The following SCN9A variants were observed in gnomAD, a reference collection of about 807,000 sequenced individuals.
SCN9A encodes sodium voltage-gated channel alpha subunit 9.
A neutral mutation model predicts 187.0 loss-of-function variants in SCN9A; 131 were observed. The ratio of observed to expected loss-of-function variants is 0.70; its 90% CI spans 0.61 to 0.81. The LOEUF is 0.81. Ranked by LOEUF, SCN9A falls within the 30% of genes least tolerant of loss-of-function variation. SCN9A has a pLI of 0.00. For synonymous variants in SCN9A, 809 were observed against 808.6 expected (o/e 1.00, Z -0.01); for missense variants, 2,252 against 2,396.6 (o/e 0.94, Z 1.26).
At position 166,199,229 on chromosome 2, in the gene SCN9A, C is replaced by T; in HGVS notation, c.5410G>A (p.Asp1804Asn). 1 of 1,614,154 alleles carries T rather than the reference C, an allele frequency of 6.2e-7. No homozygotes were observed. The highest frequency in any genetic ancestry group is 8.5e-7 in the Non-Finnish European group (1 of 1,180,026). Residue 1804 changes from aspartate to asparagine, a missense_variant, in exon 27 of 27, where the codon GAT (aspartate) becomes AAT (asparagine). By Grantham distance (23) the Asp-to-Asn change is conservative. Coordinates refer to ENST00000642356, the MANE Select transcript of SCN9A (RefSeq NM_001365536.1). ...GGAGGATCCAGGGCAGCTGCAAAAT[C>T]AGAGAGTTTAGAGAACTCTATAAAC... ...TQFIEFSKLS[D>N]FAAALDPPLL...
chr2:166,212,558 G>A lies in SCN9A; in HGVS notation c.4399-8094C>T, dbSNP rs151170378. 1.7e-3 allele frequency among the ~76,000 whole-genome samples: 262 copies of A among 152,208 alleles called. 1 individual carries two copies. The highest frequency in any genetic ancestry group is 5.7e-3 in the African/African-American group (236 of 41,542). On this transcript the variant is annotated intron_variant, in intron 24 of 26. Coordinates refer to ENST00000642356, the MANE Select transcript of SCN9A (RefSeq NM_001365536.1). The stretch of plus-strand genomic sequence containing the variant: ...ATAACAGTAGGATACATCAATACCC[G>A]ACTTGCAATAATGAACAGAACAGCC...
intron 18 of SCN9A, among the ~76,000 whole-genome samples, chr2:166,246,231 AAG>A (rs1695783048): frequency 6.6e-6 from 1 of 151,932 alleles, no homozygotes; most frequent in African/African-American, 2.4e-5. Flanking sequence ...ATTCCCCAAA[AAG>A]AGTTATATAA....
At chr2:166,264,322 GC>G (rs1453974766) in intron 17 of SCN9A, among the ~76,000 whole-genome samples, 1 of 151,850 alleles carries the variant, frequency 6.6e-6, no homozygotes, top group Non-Finnish European at 1.5e-5. Flanking sequence ...TTTGGAGTGT[GC>G]TTGGAGGGCT....
intron 7 of SCN9A, among the ~76,000 whole-genome samples, chr2:166,300,487 C>T (rs1178648715): frequency 2.7e-5 from 4 of 150,894 alleles, no homozygotes; most frequent in Non-Finnish European, 5.9e-5. Context: ...AGACTCACTT[C>T]CTTTGCATGG....
intron 7 of SCN9A, among the ~76,000 whole-genome samples, chr2:166,295,780 TGAG>T (rs1320183377): frequency 2.0e-5 from 3 of 152,194 alleles, no homozygotes; most frequent in Non-Finnish European, 4.4e-5. Flanking sequence ...TTCTAGGTGT[TGAG>T]GAGATGACAA....
intron 19 of SCN9A, among the ~76,000 whole-genome samples, chr2:166,239,114 G>A (rs1695449368): frequency 6.6e-6 from 1 of 151,176 alleles, no homozygotes; most frequent in Non-Finnish European, 1.5e-5. Context: ...TCAGCCACAT[G>A]TCCCTTGACA....
At chr2:166,249,641 C>T (rs557356379) in intron 18 of SCN9A, among the ~76,000 whole-genome samples, 1 of 152,150 alleles carries the variant, frequency 6.6e-6, no homozygotes, top group Non-Finnish European at 1.5e-5. Context: ...AGTTTGGAAG[C>T]AATGAATAAT....
chr2:166,217,739 T>C, intron 24 of SCN9A, among the ~76,000 whole-genome samples: 1 of 152,040 alleles, frequency 6.6e-6, no homozygotes, highest in Non-Finnish European at 1.5e-5. Flanking sequence ...TGTGGAGAAA[T>C]AGGAACCCTT....
intron 24 of SCN9A, among the ~76,000 whole-genome samples, chr2:166,225,151 C>T (rs532497671): frequency 1.3e-5 from 2 of 152,054 alleles, no homozygotes; most frequent in African/African-American, 2.4e-5. Flanking sequence ...TCTTCAAAAC[C>T]GAAAGCATTG....
chr2:166,284,623 T>C lies in SCN9A; in HGVS notation c.1804A>G (p.Ile602Val). ...GGTGGGGACCTACTGGCTTGGCTGA[T>C]GTTACTGCTGCGTCGCTCCTGGGGT... ...HRPQERRSSN[I>V]SQASRSPPML... Residue 602 changes from isoleucine (I) to valine (V), a missense_variant, in exon 12 of 27, where the codon ATC becomes GTC. Ile to Val is a conservative substitution (Grantham distance 29). This residue lies in a region of SCN9A where 1,013 missense variants were observed against 997.4 expected (regional missense o/e 1.02). Transcript: ENST00000642356. 6.2e-7 allele frequency: 1 copy of C among 1,614,016 alleles called. No homozygotes were observed. The highest frequency in any genetic ancestry group is 1.1e-5 in the South Asian group (1 of 91,088).
intron 24 of SCN9A, among the ~76,000 whole-genome samples, chr2:166,215,196 G>A (rs1666421868): frequency 6.6e-6 from 1 of 152,032 alleles, no homozygotes; most frequent in Non-Finnish European, 1.5e-5. Context: ...TCCTGAACAG[G>A]CAATGGGTCA....
chr2:166,363,471 G>A (rs935758783), intron 1 of SCN9A, among the ~76,000 whole-genome samples: 1 of 151,838 alleles, frequency 6.6e-6, no homozygotes, highest in Admixed American at 6.6e-5. Context: ...TTCCCATCAG[G>A]AATTCTCCTA....
intron 1 of SCN9A, among the ~76,000 whole-genome samples, chr2:166,340,276 A>T (rs1168611896): frequency 6.6e-6 from 1 of 152,204 alleles, no homozygotes; most frequent in Non-Finnish European, 1.5e-5. Flanking sequence ...TGCCATTTTA[A>T]CATTGACATA....
chr2:166,358,042 ATTTATT>A (rs1212299108), intron 1 of SCN9A, among the ~76,000 whole-genome samples: 13 of 51,786 alleles, frequency 2.5e-4, no homozygotes, highest in African/African-American at 1.1e-3. Context: ...ACTTTTATTT[ATTTATT>A]TATTTATTTA....
chr2:166,327,671 A>T (rs1285973227), intron 1 of SCN9A, among the ~76,000 whole-genome samples: 1 of 71,562 alleles, frequency 1.4e-5, no homozygotes, highest in Non-Finnish European at 2.8e-5. Context: ...GAATCTATAC[A>T]ATCCTCTTTC....
Position 166,303,094 on chromosome 2 carries a change from A to G in SCN9A, c.897T>C (p.Phe299=), listed in dbSNP as rs1479251430. ...CAAATGCAAGGACATTCTTACTTCT[A>G]AAGTCTTCTTCACTCTCTAGGGTAT... The part of the protein sequence containing the change: ...IMNTLESEED[F]RKYFYYLEGS... The change falls in exon 7 of 27, where the codon TTT becomes TTC. Residue 299 remains phenylalanine (F), a synonymous_variant. Transcript: ENST00000642356. 1 of 1,589,162 alleles carries G rather than the reference A, an allele frequency of 6.3e-7. No homozygotes were observed. The highest frequency in any genetic ancestry group is 8.6e-7 in the Non-Finnish European group (1 of 1,162,572).
At chr2:166,216,811 C>G (rs988495049) in intron 24 of SCN9A, among the ~76,000 whole-genome samples, 1 of 151,902 alleles carries the variant, frequency 6.6e-6, no homozygotes, top group African/African-American at 2.4e-5. Flanking sequence ...CCATACTACC[C>G]AAAATAATCT....
At chr2:166,364,697 G>A (rs1700373173) in intron 1 of SCN9A, among the ~76,000 whole-genome samples, 3 of 151,790 alleles carry the variant, frequency 2.0e-5, no homozygotes, top group Admixed American at 6.6e-5. Context: ...TGGAGTCATT[G>A]TTTAATAGTT....
At chr2:166,329,120 T>C (rs148149379) in intron 1 of SCN9A, among the ~76,000 whole-genome samples, 159 of 152,272 alleles carry the variant, frequency 1.0e-3, no homozygotes, top group Admixed American at 2.5e-3. Flanking sequence ...AAATTGATTA[T>C]CTGCATCATT....
Sources: gnomAD v4.1 joint callset for allele counts (sites outside exome capture counted in the v4.1 genomes callset) on GRCh38, gnomAD v4.1.1 for gene constraint, gnomAD v4.1.1 regional missense constraint, MANE v1.5 for transcripts, NCBI Gene and HGNC (gene_info 2026-07-23, HGNC 2026-07-21) for gene names.